Variants in ARID1B observed in about 807,000 individuals in gnomAD.
ARID1B encodes AT-rich interaction domain 1B, also known as AT-rich interactive domain-containing protein 1B.
A neutral mutation model predicts 212.3 loss-of-function variants in ARID1B; 30 were observed. The ratio of observed to expected loss-of-function variants is 0.14; its 90% CI spans 0.11 to 0.19. The LOEUF (loss-of-function observed/expected upper bound fraction) is 0.19. Among genes scored for constraint, ARID1B ranks in the 10% least tolerant of loss-of-function variants. The pLI is 1.00. For synonymous variants in ARID1B, 1,402 were observed against 1,301.7 expected (o/e 1.08, Z -1.66); for missense variants, 2,891 against 3,204.0 (o/e 0.90, Z 2.36).
At chr6:157,179,433 G>A (rs950658541) in intron 11 of ARID1B, among the ~76,000 whole-genome samples, 1 of 151,890 alleles carries the variant, frequency 6.6e-6, no homozygotes, top group African/African-American at 2.4e-5. Context: ...TGGATATATA[G>A]TTTCTATATT....
At chr6:157,144,320 GT>G (rs1396555359) in intron 7 of ARID1B, among the ~76,000 whole-genome samples, 1 of 152,150 alleles carries the variant, frequency 6.6e-6, no homozygotes, top group African/African-American at 2.4e-5. Context: ...CTAAACGCTT[GT>G]TTTCTAAAAC....
rs376350293 is a variant in ARID1B at position 157,012,534 on chromosome 6, G to T, written c.2248-72128G>T. 7.9e-5 allele frequency among the ~76,000 whole-genome samples: 12 copies of T among 152,298 alleles called. No homozygotes were observed. The East Asian group carries it at 2.3e-3, about 29-fold the overall frequency. On this transcript the variant is annotated intron_variant, in intron 4 of 19. Transcript: ENST00000636930. ...AACTGGAGGCTGCCTTTATGCAACT[G>T]GCCTTGGTTGTCAGTAGTTGACTCT...
intron 2 of ARID1B, among the ~76,000 whole-genome samples, chr6:156,868,222 A>G (rs1047793172): frequency 6.6e-6 from 1 of 152,210 alleles, no homozygotes; most frequent in African/African-American, 2.4e-5. Flanking sequence ...AAGCTCAATC[A>G]TTCTTCTTCC....
At chr6:157,084,134 CCT>C (rs201989076) in intron 4 of ARID1B, among the ~76,000 whole-genome samples, 6,733 of 133,672 alleles carry the variant, frequency 0.05, 533 homozygotes, top group East Asian at 0.24. Context: ...GACTTCATCA[CCT>C]CCCCCCCAAA....
At chr6:156,822,885 G>C (rs1467967226) in intron 1 of ARID1B, among the ~76,000 whole-genome samples, 1 of 152,152 alleles carries the variant, frequency 6.6e-6, no homozygotes, top group Non-Finnish European at 1.5e-5. Context: ...CGGCCGTGTT[G>C]CATCCACCTC....
chr6:156,807,814 A>G (rs529588728), intron 1 of ARID1B, among the ~76,000 whole-genome samples: 1 of 152,234 alleles, frequency 6.6e-6, no homozygotes, highest in Admixed American at 6.5e-5. Flanking sequence ...CAGTCACTGA[A>G]CAGTGAAAAA....
intron 2 of ARID1B, among the ~76,000 whole-genome samples, chr6:156,888,013 C>T (rs193138729): frequency 1.1e-3 from 166 of 152,334 alleles, no homozygotes; most frequent in African/African-American, 3.9e-3. Context: ...ACCCTGTCCC[C>T]ACCCCATAGT....
At chr6:156,880,672 G>A (rs763306649) in intron 2 of ARID1B, among the ~76,000 whole-genome samples, 1 of 148,706 alleles carries the variant, frequency 6.7e-6, no homozygotes, top group Admixed American at 6.9e-5. Flanking sequence ...CCCGGGAGGC[G>A]GAGGTTTCAG....
At chr6:157,107,812 C>T (rs1043631599) in intron 5 of ARID1B, 15 of 152,144 alleles carry the variant, frequency 9.9e-5, no homozygotes, top group African/African-American at 3.4e-4. Context: ...ATTATTACCA[C>T]ACTTTGTTTA....
At chr6:156,802,341 G>A (rs1780848371) in intron 1 of ARID1B, among the ~76,000 whole-genome samples, 1 of 152,120 alleles carries the variant, frequency 6.6e-6, no homozygotes, top group South Asian at 2.1e-4. Flanking sequence ...TGTAAAGGAT[G>A]TTAGTTATTT....
At chr6:157,140,987 G>A in intron 7 of ARID1B, 1 of 258,650 alleles carries the variant, frequency 3.9e-6, no homozygotes, top group Non-Finnish European at 7.2e-6. Flanking sequence ...TGAATCCCCA[G>A]CATTTAGCAC....
At chr6:157,003,605 ATT>A (rs1306401849) in intron 4 of ARID1B, among the ~76,000 whole-genome samples, 3 of 152,204 alleles carry the variant, frequency 2.0e-5, no homozygotes, top group African/African-American at 2.4e-5. Context: ...GAGCAAGGTC[ATT>A]TTTTGTTTCA....
chr6:157,082,378 C>G (rs1784694703), intron 4 of ARID1B, among the ~76,000 whole-genome samples: 1 of 152,176 alleles, frequency 6.6e-6, no homozygotes, highest in Non-Finnish European at 1.5e-5. Flanking sequence ...GTCAAGACTT[C>G]TGTTGTTGAG....
At position 157,206,910 on chromosome 6, in the gene ARID1B, C is replaced by A. The variant is rs1294167005; in HGVS notation, c.6138C>A (p.Pro2046=). The change falls in exon 20 of 20, where the codon CCC becomes CCA. Residue 2046 remains proline, a synonymous_variant. Transcript: ENST00000636930. The surrounding 1 kb of genome is among the most constrained non-coding windows in gnomAD (Gnocchi z 6.8). ...ACATCAAGCTGCTGGAGGACGAGCC[C>A]AGGAGCCGAGACGAGACTCCTCTGT... ...HRNIKLLEDE[P]RSRDETPLCT... is the part of the protein sequence containing the mutation. 6.2e-7 allele frequency: 1 copy of A among 1,614,160 alleles called. No individual in the cohort carries two copies. The highest frequency in any genetic ancestry group is 1.7e-5 in the Admixed American group (1 of 60,014).
intron 4 of ARID1B, among the ~76,000 whole-genome samples, chr6:156,961,454 G>A (rs1302351772): frequency 6.6e-6 from 1 of 151,374 alleles, no homozygotes; most frequent in Non-Finnish European, 1.5e-5. Flanking sequence ...GCAGCCTTGG[G>A]CCCCGCCAGC....
intron 13 of ARID1B, among the ~76,000 whole-genome samples, chr6:157,188,882 T>G (rs1793164164): frequency 6.6e-6 from 1 of 152,224 alleles, no homozygotes; most frequent in African/African-American, 2.4e-5. Context: ...TAATTAATTT[T>G]TCCAAGAGTC....
At chr6:156,813,716 T>C (rs372927950) in intron 1 of ARID1B, among the ~76,000 whole-genome samples, 1 of 152,224 alleles carries the variant, frequency 6.6e-6, no homozygotes, top group Admixed American at 6.5e-5. Flanking sequence ...GATTCCAGTT[T>C]GTGTCACTTA....
intron 5 of ARID1B, among the ~76,000 whole-genome samples, chr6:157,085,568 C>T (rs1294201446): frequency 2.0e-5 from 3 of 152,142 alleles, no homozygotes; most frequent in Non-Finnish European, 2.9e-5. Flanking sequence ...ATCCAGCTTT[C>T]TTATATCAGA....
chr6:157,156,216 C>T (rs945917032), intron 8 of ARID1B, among the ~76,000 whole-genome samples: 6 of 152,084 alleles, frequency 3.9e-5, no homozygotes, highest in Non-Finnish European at 8.8e-5. Context: ...GGATTTTGGA[C>T]AATTAGGTTT....
Sources: gnomAD v4.1 joint callset for allele counts (sites outside exome capture counted in the v4.1 genomes callset) on GRCh38, gnomAD v4.1.1 for gene constraint, Gnocchi (gnomAD v3.1) non-coding constraint, MANE v1.5 for transcripts, NCBI Gene and HGNC (gene_info 2026-07-23, HGNC 2026-07-21) for gene names.